Variants in STX17 observed in about 807,000 individuals in gnomAD.
STX17 encodes syntaxin 17, also known as syntaxin-17.
A neutral mutation model predicts 35.9 loss-of-function variants in STX17; 29 were observed. The ratio of observed to expected loss-of-function variants is 0.81; its 90% CI spans 0.60 to 1.10. The LOEUF (loss-of-function observed/expected upper bound fraction) is 1.10, where lower values mean the gene tolerates loss of function less well. Ranked by LOEUF, STX17 falls within the 50% of genes least tolerant of loss-of-function variation. The pLI, the probability that STX17 is intolerant of heterozygous loss-of-function variation, is 0.00. For missense variants in STX17, 312 were observed against 352.3 expected (o/e 0.89, Z 0.92); for synonymous variants, 92 against 118.3 (o/e 0.78, Z 1.44).
chr9:99,951,429 T>A (rs1346022201), intron 4 of STX17, 144 bp downstream of exon 4: 1 of 709,080 alleles, frequency 1.4e-6, no homozygotes. Context: ...CCCTGATCAG[T>A]GTTCCTGGAA....
intron 6 of STX17, among the ~76,000 whole-genome samples, chr9:99,964,352 T>G (rs2118534435): frequency 6.6e-6 from 1 of 152,296 alleles, no homozygotes; most frequent in African/African-American, 2.4e-5. Flanking sequence ...TAGGGGGACT[T>G]AATTCAATGT....
chr9:99,943,823 AAG>A (rs772420614), intron 3 of STX17, among the ~76,000 whole-genome samples: 127 of 152,218 alleles, frequency 8.3e-4, no homozygotes, highest in Admixed American at 3.2e-3. Context: ...TGCTATCATA[AAG>A]AGTTAGAGGA....
chr9:99,948,894 G>A (rs960199887), intron 3 of STX17, among the ~76,000 whole-genome samples: 2 of 152,110 alleles, frequency 1.3e-5, no homozygotes, highest in Admixed American at 1.3e-4. Context: ...TGCTCATTAA[G>A]TTTGGCTGTA....
intron 3 of STX17, chr9:99,945,830 CCAG>C (rs2118458974): frequency 3.5e-6 from 1 of 283,856 alleles, no homozygotes; most frequent in South Asian, 3.0e-5. Context: ...GCCTGTAATC[CCAG>C]CACTTTGGGA....
intron 4 of STX17, among the ~76,000 whole-genome samples, chr9:99,955,217 G>T (rs1280691659): frequency 6.6e-6 from 1 of 151,976 alleles, no homozygotes; most frequent in Non-Finnish European, 1.5e-5. Flanking sequence ...ATTCACAAAA[G>T]AAAAGAATAT....
At chr9:99,943,465 G>A (rs770867068) in intron 3 of STX17, among the ~76,000 whole-genome samples, 1 of 152,054 alleles carries the variant, frequency 6.6e-6, no homozygotes, top group Admixed American at 6.6e-5. Context: ...GCGCCACCAC[G>A]CCCAGCAAAT....
At chr9:99,915,130 A>T in intron 1 of STX17, 48 bp from the exon 2 acceptor site, 1 of 1,246,174 alleles carries the variant, frequency 8.0e-7, no homozygotes, top group Non-Finnish European at 1.1e-6. Flanking sequence ...TTTTAAAAAT[A>T]GTGGAAACAG....
Position 99,973,846 on chromosome 9 carries a change from G to A in STX17, c.*5173G>A, listed in dbSNP as rs1047298361. 1.3e-5 allele frequency among the ~76,000 whole-genome samples: 2 copies of A among 152,058 alleles called. No individual in the cohort carries two copies. The highest frequency in any genetic ancestry group is 2.4e-5 in the African/African-American group (1 of 41,406). On this transcript the variant is annotated 3_prime_UTR_variant, in exon 8 of 8. Transcript: ENST00000259400. Reference sequence around the variant, plus strand: ...TAGATTGGCATTCACAGCCTTCTACGTTCTGGCCCCAGCTTTATCTCTTGA... The same window carrying A: ...TAGATTGGCATTCACAGCCTTCTACATTCTGGCCCCAGCTTTATCTCTTGA...
chr9:99,934,099 C>G (rs1829179621), intron 3 of STX17, among the ~76,000 whole-genome samples: 1 of 152,120 alleles, frequency 6.6e-6, no homozygotes, highest in Non-Finnish European at 1.5e-5. Flanking sequence ...GATATAGTAC[C>G]TGCTATCTGG....
intron 3 of STX17, chr9:99,937,878 G>A (rs1248953920): frequency 6.6e-6 from 1 of 152,026 alleles, no homozygotes; most frequent in African/African-American, 2.4e-5. Context: ...GTTCTGGAAT[G>A]TAGTTAAGTT....
chr9:99,968,934 C>T lies in STX17; in HGVS notation c.*261C>T, dbSNP rs150823710. On this transcript the variant is annotated 3_prime_UTR_variant, in exon 8 of 8. Transcript: ENST00000259400. ...AAGACTGCCAAGGAGCAGATTTTCT[C>T]CCTGGAAATGTGAAAACTGAACCTA... is the stretch of plus-strand genomic sequence containing the variant. 449 of 325,462 alleles carry T rather than the reference C, an allele frequency of 1.4e-3. No individual in the cohort carries two copies. The highest frequency in any genetic ancestry group is 2.0e-3 in the Non-Finnish European group (370 of 182,610). 20.2% of individuals were successfully genotyped at this position (325,462 alleles called of 1,614,324 possible).
chr9:99,933,844 A>G lies in STX17; in HGVS notation c.189+5001A>G, dbSNP rs182933344. ...ACTTACCATACAAAAGTATAAAAGG[A>G]ATATTTTACAAAGCTTCATCTTCCT... is the stretch of plus-strand genomic sequence containing the variant. On this transcript the variant is annotated intron_variant, in intron 3 of 7. Transcript: ENST00000259400. 2.6e-5 allele frequency among the ~76,000 whole-genome samples: 4 copies of G among 152,320 alleles called. No homozygotes were observed. The East Asian group carries it at 7.7e-4, about 29-fold the overall frequency.
At chr9:99,942,724 T>C (rs1829391310) in intron 3 of STX17, among the ~76,000 whole-genome samples, 2 of 152,210 alleles carry the variant, frequency 1.3e-5, no homozygotes, top group African/African-American at 4.8e-5. Flanking sequence ...CGTGAAGTGG[T>C]ATATCCAGCT....
chr9:99,949,808 G>C (rs1264761798), intron 3 of STX17, among the ~76,000 whole-genome samples: 1 of 151,832 alleles, frequency 6.6e-6, no homozygotes, highest in African/African-American at 2.4e-5. Context: ...TGTTTTCAAA[G>C]TATAGACCAT....
At chr9:99,967,472 C>CT (rs57439508) in intron 6 of STX17, 181 bp from the exon 7 acceptor site, 55 of 377,206 alleles carry the variant, frequency 1.5e-4, no homozygotes, top group East Asian at 2.1e-4. Flanking sequence ...AGACCCCCCC[C>CT]TTTTTTTTAT....
chr9:99,930,044 C>G (rs1006341437), intron 3 of STX17: 4 of 149,780 alleles, frequency 2.7e-5, no homozygotes, highest in Non-Finnish European at 5.9e-5. Flanking sequence ...TCCCAAGTAG[C>G]TGGGACTACA....
intron 3 of STX17, among the ~76,000 whole-genome samples, chr9:99,939,822 A>T (rs1487040539): frequency 6.6e-6 from 1 of 152,226 alleles, no homozygotes; most frequent in African/African-American, 2.4e-5. Context: ...AGAGAATCAA[A>T]AGCAAAATAG....
intron 2 of STX17, among the ~76,000 whole-genome samples, chr9:99,916,482 G>T (rs1402997715): frequency 6.6e-6 from 1 of 150,854 alleles, no homozygotes; most frequent in African/African-American, 2.4e-5. Context: ...AAGGTTGGGA[G>T]TGGAGGATAT....
intron 1 of STX17, among the ~76,000 whole-genome samples, chr9:99,910,542 C>CT (rs951130560): frequency 1.3e-5 from 2 of 151,928 alleles, no homozygotes; most frequent in African/African-American, 4.8e-5. Context: ...TTTTATGTTA[C>CT]TTTTTTCAAT....
Sources: gnomAD v4.1 joint callset for allele counts (sites outside exome capture counted in the v4.1 genomes callset) on GRCh38, gnomAD v4.1.1 for gene constraint, MANE v1.5 for transcripts, NCBI Gene and HGNC (gene_info 2026-07-23, HGNC 2026-07-21) for gene names.